ZNF814: variants seen among roughly 807,000 people sequenced by gnomAD.
ZNF814 encodes zinc finger protein 814.
A neutral mutation model predicts 7.5 loss-of-function variants in ZNF814; 5 were observed. The observed-to-expected ratio is 0.67, with a 90% CI of 0.35 to 1.40. The LOEUF (loss-of-function observed/expected upper bound fraction) is 1.40, where lower values mean the gene tolerates loss of function less well. Among genes scored for constraint, ZNF814 ranks in the 40% most tolerant of loss-of-function variants. The pLI, the probability that ZNF814 is intolerant of heterozygous loss-of-function variation, is 0.04. For missense variants in ZNF814, 962 were observed against 1,018.0 expected (o/e 0.94, Z 0.75); for synonymous variants, 315 against 340.7 (o/e 0.92, Z 0.83).
chr19:57,874,017 T>G lies in ZNF814; in HGVS notation c.1373A>C (p.His458Pro). The G allele has an allele frequency of 6.2e-7, 1 of 1,613,558 alleles. No homozygotes were observed. Among genetic ancestry groups the G allele is most frequent in the Middle Eastern group, 1.6e-4 (1 of 6,062 alleles). The change falls in exon 3 of 3, where the codon CAC becomes CCC. Residue 458 changes from histidine (H) to proline (P), a missense_variant. His to Pro is a moderately conservative substitution (Grantham distance 77). Transcript: ENST00000435989. ...EGHLRSHQRV[H>P]AGERPFKCGE... Reference sequence around the variant, plus strand: ...ACACTTGAAAGGTCTTTCTCCGGCGTGAACTCGTTGATGGCTCCTAAGATG... The same window carrying G: ...ACACTTGAAAGGTCTTTCTCCGGCGGGAACTCGTTGATGGCTCCTAAGATG...
chr19:57,885,635 A>C (rs899159006), intron 1 of ZNF814, among the ~76,000 whole-genome samples: 60 of 151,780 alleles, frequency 4.0e-4, no homozygotes, highest in Non-Finnish European at 7.4e-4. Flanking sequence ...GTCTCAAAAA[A>C]AAAAAAAACA....
At chr19:57,880,536 C>G (rs1458984613) in intron 1 of ZNF814, among the ~76,000 whole-genome samples, 1 of 150,312 alleles carries the variant, frequency 6.7e-6, no homozygotes, top group Non-Finnish European at 1.5e-5. Flanking sequence ...GGACTGAGCT[C>G]GAGAGGTGCA....
chr19:57,883,807 G>A (rs893371301), intron 1 of ZNF814, among the ~76,000 whole-genome samples: 1 of 151,776 alleles, frequency 6.6e-6, no homozygotes, highest in African/African-American at 2.4e-5. Flanking sequence ...GCCCAGGCTG[G>A]AGCGCAATGG....
At chr19:57,901,788 G>A in the ZNF814 span, 1 of 398,402 alleles carries the variant, frequency 2.5e-6, no homozygotes, top group South Asian at 1.3e-4. Flanking sequence ...TACTGTGGCG[G>A]TAAGCCTCCC....
chr19:57,888,464 C>T (rs1345775229), intron 1 of ZNF814, among the ~76,000 whole-genome samples: 1 of 152,144 alleles, frequency 6.6e-6, no homozygotes, highest in Admixed American at 6.6e-5. Flanking sequence ...GAGTTCATAG[C>T]CCCCAGCCTG....
chr19:57,878,458 T>G (rs1335821745), intron 1 of ZNF814, among the ~76,000 whole-genome samples: 1 of 150,652 alleles, frequency 6.6e-6, no homozygotes, highest in African/African-American at 2.5e-5. Flanking sequence ...TAGGATACAT[T>G]ACCTTTTTTT....
chr19:57,877,067 C>T, intron 1 of ZNF814, 25 bp from the exon 2 acceptor site: 3 of 1,612,968 alleles, frequency 1.9e-6, no homozygotes, highest in Non-Finnish European at 2.5e-6. Context: ...ACAGATGAAA[C>T]TACAAACTGC....
At chr19:57,885,561 C>T (rs1309507056) in intron 1 of ZNF814, among the ~76,000 whole-genome samples, 1 of 148,788 alleles carries the variant, frequency 6.7e-6, no homozygotes, top group Admixed American at 6.8e-5. Context: ...ATCTGGGCAG[C>T]AGAGGTTGCA....
chr19:57,875,309 G>A, intron 2 of ZNF814, 83 bp from the exon 3 acceptor site: 2 of 1,606,502 alleles, frequency 1.2e-6, no homozygotes, highest in East Asian at 2.2e-5. Context: ...CTGAAAAACT[G>A]AGGAATTACT....
At position 57,870,486 on chromosome 19, in the gene ZNF814, T is replaced by TATCA. The variant is rs2071548371; in HGVS notation, c.*2332_*2335dup. On this transcript the variant is annotated 3_prime_UTR_variant, in exon 3 of 3. Transcript: ENST00000435989. Reference sequence around the variant, plus strand: ...ACTGAACTGAGATCTCCCTTCTCCCTATCATCTTCCTCCTGTTAATGCAGG... The same window carrying TATCA: ...ACTGAACTGAGATCTCCCTTCTCCCTATCAATCATCTTCCTCCTGTTAATGCAGG... The TATCA allele has an allele frequency of 6.6e-6, 1 of 152,154 alleles. No homozygotes were observed. The highest frequency in any genetic ancestry group is 6.6e-5 in the Admixed American group (1 of 15,262). 9.4% of individuals were successfully genotyped at this position (152,154 alleles called of 1,614,324 possible). A position where few individuals can be genotyped will look rare whatever the true frequency, so the allele number is the denominator to read the frequency against.
intron 1 of ZNF814, among the ~76,000 whole-genome samples, chr19:57,883,227 G>A (rs547295885): frequency 4.6e-5 from 7 of 152,062 alleles, no homozygotes; most frequent in East Asian, 3.9e-4. Flanking sequence ...GTGAGGTGGC[G>A]GGCACCTGTA....
the ZNF814 span, among the ~76,000 whole-genome samples, chr19:57,894,925 G>A: frequency 6.6e-6 from 1 of 151,980 alleles, no homozygotes; most frequent in Non-Finnish European, 1.5e-5. Context: ...TTTTAGAAAC[G>A]GAGCCTTCAA....
chr19:57,889,364 CA>C (rs2122476470), upstream of ZNF814, among the ~76,000 whole-genome samples: 1 of 152,154 alleles, frequency 6.6e-6, no homozygotes, highest in East Asian at 1.9e-4. Flanking sequence ...AGCAACAAAG[CA>C]AAATCCTGTC....
At chr19:57,904,131 G>A in the ZNF814 span, among the ~76,000 whole-genome samples, 1 of 152,264 alleles carries the variant, frequency 6.6e-6, no homozygotes, top group East Asian at 1.9e-4. Context: ...GTTCTCCCAA[G>A]ATCATAAATT....
At position 57,874,781 on chromosome 19, in the gene ZNF814, A is replaced by G. The variant is rs770594039; in HGVS notation, c.609T>C (p.Cys203=). 1.9e-6 allele frequency: 3 copies of G among 1,613,974 alleles called. No homozygotes were observed. The highest frequency in any genetic ancestry group is 1.3e-5 in the African/African-American group (1 of 74,932). The change falls in exon 3 of 3, where the codon TGT becomes TGC. Residue 203 remains cysteine, a synonymous_variant. Coordinates refer to ENST00000435989, the MANE Select transcript of ZNF814 (RefSeq NM_001144989.2). ...TGEKSNSKTE[C]VSPIQCGGAH... Reference sequence around the variant, plus strand: ...CTCCCCCACACTGAATGGGAGACACACACTCAGTTTTGCTGTTTGACTTCT... The same window carrying G: ...CTCCCCCACACTGAATGGGAGACACGCACTCAGTTTTGCTGTTTGACTTCT...
At chr19:57,892,997 C>T (rs1048411953), upstream of ZNF814, among the ~76,000 whole-genome samples, 92 of 152,174 alleles carry the variant, frequency 6.0e-4, no homozygotes, top group Non-Finnish European at 2.5e-4. Context: ...TTTTGTCACA[C>T]GTATTTTGCT....
At chr19:57,895,680 T>C in the ZNF814 span, among the ~76,000 whole-genome samples, 1 of 152,130 alleles carries the variant, frequency 6.6e-6, no homozygotes. Context: ...TTTACCCAGG[T>C]GCCCCACCAC....
the ZNF814 span, among the ~76,000 whole-genome samples, chr19:57,895,734 G>A: frequency 6.6e-6 from 1 of 152,000 alleles, no homozygotes. Flanking sequence ...ATTTCCTTTG[G>A]GCCGGTGGGT....
chr19:57,899,052 C>A, the ZNF814 span, among the ~76,000 whole-genome samples: 1 of 152,104 alleles, frequency 6.6e-6, no homozygotes, highest in African/African-American at 2.4e-5. Flanking sequence ...CCAGGGCTGC[C>A]CTCTCCAACA....
Sources: gnomAD v4.1 joint callset for allele counts (sites outside exome capture counted in the v4.1 genomes callset) on GRCh38, gnomAD v4.1.1 for gene constraint, MANE v1.5 for transcripts, NCBI Gene and HGNC (gene_info 2026-07-23, HGNC 2026-07-21) for gene names.